SORCS3: variants seen among roughly 807,000 people sequenced by gnomAD.
The protein encoded by SORCS3 is VPS10 domain-containing receptor SorCS3.
A neutral mutation model predicts 146.3 loss-of-function variants in SORCS3; 57 were observed. That is an observed-to-expected ratio of 0.39 (90% CI 0.31 to 0.49). SORCS3 has a LOEUF of 0.49. Among genes scored for constraint, SORCS3 ranks in the 20% least tolerant of loss-of-function variants. The pLI is 0.92. For synonymous variants in SORCS3, 653 were observed against 618.5 expected (o/e 1.06, Z -0.83); for missense variants, 1,341 against 1,575.5 (o/e 0.85, Z 2.52).
chr10:104,773,272 T>A (rs1352752384), intron 1 of SORCS3, among the ~76,000 whole-genome samples: 1 of 152,182 alleles, frequency 6.6e-6, no homozygotes, highest in South Asian at 2.1e-4. Context: ...TCTTTCCTAG[T>A]CCTTCTAGTT....
At chr10:104,656,434 A>AT (rs1207103096) in intron 1 of SORCS3, among the ~76,000 whole-genome samples, 1 of 152,002 alleles carries the variant, frequency 6.6e-6, no homozygotes. Flanking sequence ...AGGAAGGGAG[A>AT]TCCCCTGAGC....
At chr10:105,026,448 A>G (rs770516592) in intron 4 of SORCS3, among the ~76,000 whole-genome samples, 1 of 152,238 alleles carries the variant, frequency 6.6e-6, no homozygotes, top group Non-Finnish European at 1.5e-5. Context: ...AAATGGAATC[A>G]TCATTCAACC....
At chr10:105,147,095 T>C (rs2056136593) in intron 8 of SORCS3, among the ~76,000 whole-genome samples, 1 of 152,118 alleles carries the variant, frequency 6.6e-6, no homozygotes, top group South Asian at 2.1e-4. Context: ...GATGCAAATA[T>C]TTTCTGCTCT....
intron 5 of SORCS3, among the ~76,000 whole-genome samples, chr10:105,050,093 TA>T (rs1456960699): frequency 6.6e-6 from 1 of 151,904 alleles, no homozygotes; most frequent in African/African-American, 2.4e-5. Context: ...TCATTCAAAA[TA>T]TTACCCAAAC....
intron 1 of SORCS3, among the ~76,000 whole-genome samples, chr10:104,776,871 C>T (rs918733820): frequency 3.5e-5 from 5 of 142,320 alleles, no homozygotes; most frequent in Admixed American, 7.1e-5. Context: ...TATTCAGCAG[C>T]AGGGAAAAAA....
intron 11 of SORCS3, among the ~76,000 whole-genome samples, chr10:105,161,812 G>A (rs2056265693): frequency 6.6e-6 from 1 of 152,092 alleles, no homozygotes; most frequent in South Asian, 2.1e-4. Flanking sequence ...GTGGAAACAG[G>A]TGTCATGTCC....
At chr10:105,064,415 G>A (rs978638357) in intron 5 of SORCS3, among the ~76,000 whole-genome samples, 5 of 152,124 alleles carry the variant, frequency 3.3e-5, no homozygotes, top group African/African-American at 1.2e-4. Flanking sequence ...GGATGAGAGG[G>A]AATTTATTAG....
At chr10:104,772,985 T>A (rs186865301) in intron 1 of SORCS3, among the ~76,000 whole-genome samples, 8 of 152,128 alleles carry the variant, frequency 5.3e-5, no homozygotes, top group Non-Finnish European at 1.5e-5. Flanking sequence ...ATTAGTAAAT[T>A]ACTTGCAAAT....
At chr10:104,648,337 C>A (rs918194864) in intron 1 of SORCS3, among the ~76,000 whole-genome samples, 2 of 152,130 alleles carry the variant, frequency 1.3e-5, no homozygotes, top group Non-Finnish European at 2.9e-5. Flanking sequence ...GAAGAGCCAT[C>A]CCCTCTTCAC....
chr10:104,793,864 G>T (rs2017521343), intron 1 of SORCS3, among the ~76,000 whole-genome samples: 1 of 152,188 alleles, frequency 6.6e-6, no homozygotes, highest in Non-Finnish European at 1.5e-5. Context: ...GGAAATTGTG[G>T]ATCTACTAGC....
At chr10:104,770,814 C>T (rs550869423) in intron 1 of SORCS3, among the ~76,000 whole-genome samples, 1 of 152,040 alleles carries the variant, frequency 6.6e-6, no homozygotes, top group Non-Finnish European at 1.5e-5. Context: ...GCCTGGGTGA[C>T]AGGAAGAAGC....
At chr10:105,120,069 T>A (rs2055920864) in intron 7 of SORCS3, among the ~76,000 whole-genome samples, 2 of 152,162 alleles carry the variant, frequency 1.3e-5, no homozygotes, top group Non-Finnish European at 2.9e-5. Context: ...TCCGCATGTG[T>A]TATGGTGGAG....
intron 5 of SORCS3, among the ~76,000 whole-genome samples, chr10:105,071,604 T>C (rs936959976): frequency 5.3e-5 from 8 of 152,240 alleles, no homozygotes; most frequent in Admixed American, 5.2e-4. Flanking sequence ...AGGCATGCGA[T>C]GTGAAATAAG....
intron 1 of SORCS3, among the ~76,000 whole-genome samples, chr10:104,700,846 G>C (rs1268981420): frequency 6.6e-6 from 1 of 152,150 alleles, no homozygotes; most frequent in African/African-American, 2.4e-5. Context: ...CAGAGACAGG[G>C]ACCTATTGGA....
chr10:104,720,121 C>T (rs937837060), intron 1 of SORCS3, among the ~76,000 whole-genome samples: 7 of 151,986 alleles, frequency 4.6e-5, no homozygotes, highest in African/African-American at 1.5e-4. Context: ...TCCTATCCCT[C>T]CCCCTTCCCC....
chr10:104,856,829 A>G lies in SORCS3; in HGVS notation c.695+13970A>G, dbSNP rs1461583087. Among the ~76,000 whole-genome samples, 8 of 145,098 alleles carry G rather than the reference A, an allele frequency of 5.5e-5. No homozygotes were observed. In the Admixed American group the frequency reaches 5.7e-4, roughly 10 times the overall value. ...TATTAATTATATAAATATATAATAT[A>G]TATCAATATATAAATAATATATATT... On this transcript the variant is annotated intron_variant, in intron 2 of 26. Coordinates refer to ENST00000369701, the MANE Select transcript of SORCS3 (RefSeq NM_014978.3).
chr10:104,742,748 G>A (rs2016863075), intron 1 of SORCS3, among the ~76,000 whole-genome samples: 1 of 152,190 alleles, frequency 6.6e-6, no homozygotes, highest in African/African-American at 2.4e-5. Context: ...AAGAGTAAGT[G>A]TAGCACAGTA....
chr10:104,709,408 T>C (rs1229636167), intron 1 of SORCS3, among the ~76,000 whole-genome samples: 2 of 152,148 alleles, frequency 1.3e-5, no homozygotes, highest in East Asian at 3.9e-4. Context: ...TTCTCCCCTG[T>C]TTTTTTGATA....
intron 5 of SORCS3, among the ~76,000 whole-genome samples, chr10:105,073,729 G>A (rs1167041274): frequency 6.6e-6 from 1 of 152,092 alleles, no homozygotes; most frequent in African/African-American, 2.4e-5. Flanking sequence ...TTCTGCCAGG[G>A]GAGCTGGTAC....
Sources: allele counts gnomAD v4.1 joint callset (sites outside exome capture counted in the v4.1 genomes callset), GRCh38; gene constraint gnomAD v4.1.1; transcripts MANE v1.5; gene names NCBI Gene and HGNC (gene_info 2026-07-23, HGNC 2026-07-21).